Variants in BCKDHA observed in about 807,000 individuals in gnomAD.
BCKDHA encodes the protein 2-oxoisovalerate dehydrogenase subunit alpha, mitochondrial.
In BCKDHA, 43 loss-of-function variants were observed where a neutral mutation model predicts 52.2. The ratio of observed to expected loss-of-function variants is 0.82; its 90% CI spans 0.64 to 1.06. The LOEUF is 1.06. Ranked by LOEUF, BCKDHA falls within the 50% of genes least tolerant of loss-of-function variation. BCKDHA has a pLI of 0.00. For synonymous variants in BCKDHA, 234 were observed against 247.9 expected, an observed-to-expected ratio of 0.94 and a Z score of 0.53; for missense variants, 527 against 621.3, an observed-to-expected ratio of 0.85 and a Z score of 1.61.
intron 3 of BCKDHA, among the ~76,000 whole-genome samples, chr19:41,412,187 A>G (rs754179620): frequency 6.6e-6 from 1 of 150,974 alleles, no homozygotes; most frequent in Non-Finnish European, 1.5e-5. Context: ...CCCACAGCAA[A>G]CTAATCCTGT....
chr19:41,418,988 A>G, intron 4 of BCKDHA, 147 bp from the exon 5 acceptor site: 2 of 921,490 alleles, frequency 2.2e-6, no homozygotes, highest in Non-Finnish European at 3.4e-6. Flanking sequence ...CTTGCTGGGC[A>G]GAGTCAGTCA....
At chr19:41,399,811 A>T (rs2039118356) in intron 1 of BCKDHA, 2 of 142,934 alleles carry the variant, frequency 1.4e-5, no homozygotes, top group African/African-American at 2.6e-5. Context: ...TTTGAGACAG[A>T]GTTTCACTCT....
intron 4 of BCKDHA, among the ~76,000 whole-genome samples, chr19:41,415,921 A>C (rs190432187): frequency 6.8e-6 from 1 of 147,678 alleles, no homozygotes; most frequent in East Asian, 2.0e-4. Context: ...TGCTGGGATT[A>C]CAGGCGTGAG....
intron 5 of BCKDHA, among the ~76,000 whole-genome samples, chr19:41,421,170 TA>T (rs1429559333): frequency 6.6e-6 from 1 of 152,204 alleles, no homozygotes; most frequent in Non-Finnish European, 1.5e-5. Flanking sequence ...GGCGTGGCCC[TA>T]ACCTTCCCTC....
chr19:41,423,052 G>T lies in BCKDHA; in HGVS notation c.1050G>T (p.Glu350Asp). 3 of 1,601,980 alleles carry T rather than the reference G, an allele frequency of 1.9e-6. No individual in the cohort carries two copies. Among genetic ancestry groups the T allele is most frequent in the Non-Finnish European group, 2.6e-6 (3 of 1,174,246 alleles). The change falls in exon 8 of 9, where the codon GAG becomes GAT. Residue 350 changes from glutamate to aspartate, a missense_variant. Transcript: ENST00000269980. Reference sequence around the variant, plus strand: ...GTTCAGCGTACCGCTCGGTGGATGAGGTCAATTACTGGGATAAACAGGACC... The same window carrying T: ...GTTCAGCGTACCGCTCGGTGGATGATGTCAATTACTGGGATAAACAGGACC... ...DDSSAYRSVD[E>D]VNYWDKQDHP... is the part of the protein sequence containing the mutation.
chr19:41,417,409 T>C (rs1473248), intron 4 of BCKDHA, among the ~76,000 whole-genome samples: 99,796 of 151,968 alleles, frequency 0.66, 33,829 homozygotes, highest in African/African-American at 0.82. Flanking sequence ...GATTCCAAGG[T>C]CCTGTATCAG....
chr19:41,415,591 C>T (rs2039299331), intron 4 of BCKDHA: 2 of 152,220 alleles, frequency 1.3e-5, no homozygotes, highest in African/African-American at 4.8e-5. Context: ...GAGTGGTGTT[C>T]ATCATGATAG....
chr19:41,418,784 C>T (rs769715081), intron 4 of BCKDHA: 2 of 451,614 alleles, frequency 4.4e-6, no homozygotes, highest in South Asian at 3.2e-5. Flanking sequence ...AAGCGATCCT[C>T]CAACGTCAGC....
At position 41,411,936 on chromosome 19, in the gene BCKDHA, C is replaced by T. The variant is rs142570779; in HGVS notation, c.375+927C>T. Among the ~76,000 whole-genome samples, 464 of 152,328 alleles carry T rather than the reference C, an allele frequency of 3.0e-3. 5 individuals carry two copies. The highest frequency in any genetic ancestry group is 0.01 in the African/African-American group (429 of 41,574). On this transcript the variant is annotated intron_variant, in intron 3 of 8. Coordinates refer to ENST00000269980, the MANE Select transcript of BCKDHA (RefSeq NM_000709.4). ...TTGGCTCCCCACTTAGAAGAAAGCA[C>T]ACATTCATCAGTTTCCCCCACAGCA...
chr19:41,424,551 G>A lies in BCKDHA; in HGVS notation c.1281G>A (p.Leu427=). 6.2e-7 allele frequency: 1 copy of A among 1,614,074 alleles called. No homozygotes were observed. Among genetic ancestry groups the A allele is most frequent in the Non-Finnish European group, 8.5e-7 (1 of 1,179,978 alleles). The change falls in exon 9 of 9, where the codon CTG becomes CTA. Residue 427 remains leucine, a synonymous_variant. Transcript: ENST00000269980. The part of the protein sequence containing the change: ...PAQLRKQQES[L]ARHLQTYGEH... ...AGCTCCGCAAGCAGCAGGAGTCTCTGGCCCGCCACCTGCAGACCTACGGGG... is the reference window on the plus strand; with the variant it reads ...AGCTCCGCAAGCAGCAGGAGTCTCTAGCCCGCCACCTGCAGACCTACGGGG...
intron 3 of BCKDHA, among the ~76,000 whole-genome samples, chr19:41,411,337 T>C (rs2039251917): frequency 6.6e-6 from 1 of 152,132 alleles, no homozygotes; most frequent in Non-Finnish European, 1.5e-5. Flanking sequence ...CAGTGCTTCC[T>C]GGAGTGCTCC....
At position 41,422,334 on chromosome 19, in the gene BCKDHA, A is replaced by C; in HGVS notation, c.817A>C (p.Thr273Pro). 6.2e-7 allele frequency: 1 copy of C among 1,614,036 alleles called. No homozygotes were observed. Residue 273 changes from threonine to proline, a missense_variant, in exon 6 of 9, where the codon ACG (threonine) becomes CCG (proline). Thr to Pro is a conservative substitution (Grantham distance 38). Coordinates refer to ENST00000269980, the MANE Select transcript of BCKDHA (RefSeq NM_000709.4). ...CCGGAACAATGGCTACGCCATCTCCACGCCCACCTCTGAGCAGTATCGCGG... is the reference window on the plus strand; with the variant it reads ...CCGGAACAATGGCTACGCCATCTCCCCGCCCACCTCTGAGCAGTATCGCGG... ...FCRNNGYAIS[T>P]PTSEQYRGDG...
intron 4 of BCKDHA, among the ~76,000 whole-genome samples, chr19:41,415,135 G>A (rs914557466): frequency 1.3e-5 from 2 of 152,186 alleles, no homozygotes; most frequent in African/African-American, 4.8e-5. Flanking sequence ...GCCTGCTCCT[G>A]GACTGTCTAC....
At chr19:41,416,678 G>A (rs1044601221) in intron 4 of BCKDHA, among the ~76,000 whole-genome samples, 4 of 152,148 alleles carry the variant, frequency 2.6e-5, no homozygotes, top group Non-Finnish European at 4.4e-5. Flanking sequence ...CCAGCACTTC[G>A]GGAGGCTGAG....
In BCKDHA at chr19:41,414,106, G is replaced by T. The variant is rs2039284222; in HGVS notation, c.433G>T (p.Ala145Ser). Residue 145 changes from alanine to serine, a missense_variant, in exon 4 of 9, where the codon GCC becomes TCC. Physicochemically the swap from Ala to Ser is moderately conservative, Grantham distance 99. Coordinates refer to ENST00000269980, the MANE Select transcript of BCKDHA (RefSeq NM_000709.4). ...TGAGGAGGGCACGCACGTGGGGAGTGCCGCCGCCCTGGACAACACGGACCT... is the reference window on the plus strand; with the variant it reads ...TGAGGAGGGCACGCACGTGGGGAGTTCCGCCGCCCTGGACAACACGGACCT... ...YGEEGTHVGS[A>S]AALDNTDLVF... The T allele has an allele frequency of 1.2e-6, 2 of 1,613,748 alleles. No homozygotes were observed.
intron 1 of BCKDHA, among the ~76,000 whole-genome samples, chr19:41,403,999 C>T (rs1162120011): frequency 6.6e-6 from 1 of 152,164 alleles, no homozygotes; most frequent in Non-Finnish European, 1.5e-5. Context: ...TGTTTTGAGA[C>T]AGAGTCTTGC....
At chr19:41,420,553 C>A (rs138692640) in intron 5 of BCKDHA, among the ~76,000 whole-genome samples, 1 of 150,718 alleles carries the variant, frequency 6.6e-6, no homozygotes, top group Non-Finnish European at 1.5e-5. Flanking sequence ...GAGCTGAGAT[C>A]GTGCCATTGC....
At chr19:41,401,201 C>G (rs1266687325) in intron 1 of BCKDHA, among the ~76,000 whole-genome samples, 1 of 151,776 alleles carries the variant, frequency 6.6e-6, no homozygotes, top group African/African-American at 2.4e-5. Flanking sequence ...CTCAGCCTCC[C>G]GAGTAGCTGG....
chr19:41,412,887 A>G (rs1327241720), intron 3 of BCKDHA, among the ~76,000 whole-genome samples: 1 of 151,996 alleles, frequency 6.6e-6, no homozygotes, highest in African/African-American at 2.4e-5. Context: ...TATTTTTAGT[A>G]GAGATGGGGT....
Sources: allele counts gnomAD v4.1 joint callset (sites outside exome capture counted in the v4.1 genomes callset), GRCh38; gene constraint gnomAD v4.1.1; transcripts MANE v1.5; gene names NCBI Gene and HGNC (gene_info 2026-07-23, HGNC 2026-07-21).